Variants in ADAMTS12 observed in about 807,000 individuals in gnomAD.
ADAMTS12 encodes the protein ADAM metallopeptidase with thrombospondin type 1 motif 12.
A neutral mutation model predicts 167.8 loss-of-function variants in ADAMTS12; 118 were observed. The observed-to-expected ratio is 0.70, with a 90% CI of 0.61 to 0.82. The LOEUF is 0.82. Ranked by LOEUF, ADAMTS12 falls within the 40% of genes least tolerant of loss-of-function variation. The pLI, the probability that ADAMTS12 is intolerant of heterozygous loss-of-function variation, is 0.00. For synonymous variants in ADAMTS12, 704 were observed against 716.9 expected, an observed-to-expected ratio of 0.98 and a Z score of 0.29; for missense variants, 1,916 against 1,998.8, an observed-to-expected ratio of 0.96 and a Z score of 0.79.
chr5:33,721,293 A>G (rs1743796365), intron 3 of ADAMTS12, among the ~76,000 whole-genome samples: 2 of 152,198 alleles, frequency 1.3e-5, no homozygotes, highest in Admixed American at 1.3e-4. Flanking sequence ...TGTTAGTTAC[A>G]TGGACGTGTT....
chr5:33,640,853 G>A (rs892520651), intron 11 of ADAMTS12, among the ~76,000 whole-genome samples: 1 of 148,682 alleles, frequency 6.7e-6, no homozygotes, highest in Non-Finnish European at 1.5e-5. Context: ...ATGTATACAT[G>A]CATATATATT....
chr5:33,729,945 A>G (rs1481556850), intron 3 of ADAMTS12, among the ~76,000 whole-genome samples: 1 of 152,208 alleles, frequency 6.6e-6, no homozygotes, highest in Non-Finnish European at 1.5e-5. Context: ...ACCACCCAAC[A>G]TTTTCCAAAT....
In ADAMTS12 at chr5:33,577,110, G is replaced by C; in HGVS notation, c.2916C>G (p.Ala972=). Residue 972 remains alanine (A), a synonymous_variant, in exon 19 of 24, where the codon GCC becomes GCG. Transcript: ENST00000504830. ...GGVRIRSVTC[A]KNHDEPCDVT... ...CATCGCAAGGTTCATCATGGTTCTTGGCACATGTGACACTGCGAATCCGCA... is the reference window on the plus strand; with the variant it reads ...CATCGCAAGGTTCATCATGGTTCTTCGCACATGTGACACTGCGAATCCGCA... The C allele has an allele frequency of 6.2e-7, 1 of 1,614,168 alleles. No homozygotes were observed. Among genetic ancestry groups the C allele is most frequent in the Non-Finnish European group, 8.5e-7 (1 of 1,180,018 alleles).
intron 3 of ADAMTS12, among the ~76,000 whole-genome samples, chr5:33,723,137 C>T (rs560569344): frequency 5.3e-5 from 8 of 152,302 alleles, no homozygotes; most frequent in South Asian, 2.1e-4. Context: ...AAATGCCTTG[C>T]TCTCCTCCTA....
intron 2 of ADAMTS12, among the ~76,000 whole-genome samples, chr5:33,851,931 T>C (rs1426221053): frequency 2.0e-5 from 3 of 152,234 alleles, no homozygotes; most frequent in Non-Finnish European, 4.4e-5. Context: ...AGCCTGCTTA[T>C]CAATCAACTC....
At chr5:33,790,826 T>C (rs1746536137) in intron 2 of ADAMTS12, among the ~76,000 whole-genome samples, 1 of 150,354 alleles carries the variant, frequency 6.7e-6, no homozygotes, top group Admixed American at 6.7e-5. Context: ...TTGATATATA[T>C]ATGGCTAAGG....
intron 22 of ADAMTS12, among the ~76,000 whole-genome samples, chr5:33,541,406 C>G (rs1744688958): frequency 6.6e-6 from 1 of 152,194 alleles, no homozygotes; most frequent in South Asian, 2.1e-4. Context: ...TTGGAAAACA[C>G]TCTTCAAGAT....
chr5:33,722,305 C>A (rs1743835034), intron 3 of ADAMTS12, among the ~76,000 whole-genome samples: 1 of 152,060 alleles, frequency 6.6e-6, no homozygotes, highest in Non-Finnish European at 1.5e-5. Context: ...CTACTACTGA[C>A]CCTGTATTGT....
chr5:33,691,133 G>A (rs912118490), intron 3 of ADAMTS12, among the ~76,000 whole-genome samples: 1 of 152,154 alleles, frequency 6.6e-6, no homozygotes, highest in Non-Finnish European at 1.5e-5. Context: ...ATTGCTGCAA[G>A]TGTTCAAAAA....
intron 2 of ADAMTS12, among the ~76,000 whole-genome samples, chr5:33,826,868 G>A (rs1044774641): frequency 3.9e-5 from 6 of 152,246 alleles, no homozygotes; most frequent in African/African-American, 1.4e-4. Context: ...GGATGGTAGT[G>A]AGACCTCAGC....
intron 19 of ADAMTS12, among the ~76,000 whole-genome samples, chr5:33,563,288 G>A (rs1303850077): frequency 4.6e-5 from 7 of 152,170 alleles, no homozygotes; most frequent in African/African-American, 1.7e-4. Context: ...GGACTTTGCA[G>A]CTTCTGTCAT....
At position 33,796,363 on chromosome 5, in the gene ADAMTS12, G is replaced by A. The variant is rs113446205; in HGVS notation, c.490-44815C>T. Among the ~76,000 whole-genome samples, 6 of 152,304 alleles carry A rather than the reference G, an allele frequency of 3.9e-5. 1 individual carries two copies. Among genetic ancestry groups the A allele is most frequent in the African/African-American group, 1.4e-4 (6 of 41,566 alleles). On this transcript the variant is annotated intron_variant, in intron 2 of 23. Transcript: ENST00000504830. ...GCCAAGGTATATTGTTGCATGAAAAGCACCAAATTACAGAACACAGTATGA... is the reference window on the plus strand; with the variant it reads ...GCCAAGGTATATTGTTGCATGAAAAACACCAAATTACAGAACACAGTATGA...
chr5:33,611,434 C>A (rs1215328655), intron 16 of ADAMTS12, among the ~76,000 whole-genome samples: 1 of 151,466 alleles, frequency 6.6e-6, no homozygotes, highest in Non-Finnish European at 1.5e-5. Flanking sequence ...ACTACATTCT[C>A]TATTTTGCTA....
intron 2 of ADAMTS12, among the ~76,000 whole-genome samples, chr5:33,803,027 A>T (rs1679085331): frequency 1.3e-5 from 2 of 152,216 alleles, no homozygotes; most frequent in South Asian, 4.1e-4. Context: ...AGTGTCACTG[A>T]TATTATAAGA....
At chr5:33,696,298 G>C (rs1021559556) in intron 3 of ADAMTS12, among the ~76,000 whole-genome samples, 2 of 151,432 alleles carry the variant, frequency 1.3e-5, no homozygotes, top group African/African-American at 2.4e-5. Context: ...GCGGGCGCCT[G>C]TAGTCCCAGC....
chr5:33,771,920 T>C (rs1745753734), intron 2 of ADAMTS12, among the ~76,000 whole-genome samples: 1 of 151,664 alleles, frequency 6.6e-6, no homozygotes, highest in South Asian at 2.1e-4. Flanking sequence ...CAAACAATCC[T>C]CTGGGATTAA....
chr5:33,809,251 C>T (rs1450633413), intron 2 of ADAMTS12, among the ~76,000 whole-genome samples: 1 of 152,178 alleles, frequency 6.6e-6, no homozygotes, highest in African/African-American at 2.4e-5. Context: ...TTACTCACTT[C>T]CAGGTGATTC....
intron 3 of ADAMTS12, among the ~76,000 whole-genome samples, chr5:33,716,683 G>A (rs1228258060): frequency 6.6e-6 from 1 of 152,008 alleles, no homozygotes; most frequent in East Asian, 1.9e-4. Flanking sequence ...ATTTCAATAT[G>A]ACCAAAGGAA....
intron 2 of ADAMTS12, among the ~76,000 whole-genome samples, chr5:33,828,683 T>C (rs1561294710): frequency 6.6e-6 from 1 of 152,146 alleles, no homozygotes; most frequent in Non-Finnish European, 1.5e-5. Flanking sequence ...TTTTTCTCCA[T>C]ATTATAAGCC....
Sources: allele counts gnomAD v4.1 joint callset (sites outside exome capture counted in the v4.1 genomes callset), GRCh38; gene constraint gnomAD v4.1.1; transcripts MANE v1.5; gene names NCBI Gene and HGNC (gene_info 2026-07-23, HGNC 2026-07-21).